ADAM22: variants seen among roughly 807,000 people sequenced by gnomAD.
ADAM22 encodes the protein disintegrin and metalloproteinase domain-containing protein 22.
Under a neutral mutation model 144.6 loss-of-function variants are expected in ADAM22, and 65 were observed. The observed-to-expected ratio is 0.45, with a 90% CI of 0.37 to 0.55. The LOEUF (loss-of-function observed/expected upper bound fraction) is 0.55. Among genes scored for constraint, ADAM22 ranks in the 20% least tolerant of loss-of-function variants. The probability of loss-of-function intolerance (pLI) is 0.00; values close to 1 mark genes in which losing one functional copy is unlikely to be tolerated. For synonymous variants in ADAM22, 391 were observed against 412.6 expected, an observed-to-expected ratio of 0.95 and a Z score of 0.63; for missense variants, 974 against 1,184.9, an observed-to-expected ratio of 0.82 and a Z score of 2.61.
intron 3 of ADAM22, among the ~76,000 whole-genome samples, chr7:88,055,086 T>C (rs1005716531): frequency 3.9e-5 from 6 of 152,152 alleles, no homozygotes; most frequent in African/African-American, 1.4e-4. Flanking sequence ...CTGCTGTTTC[T>C]TCAAACTCAA....
intron 4 of ADAM22, among the ~76,000 whole-genome samples, chr7:88,097,103 C>A (rs916919530): frequency 8.6e-5 from 13 of 150,982 alleles, no homozygotes; most frequent in African/African-American, 3.2e-4. Context: ...GCAAGAGAGC[C>A]TTACATGCTC....
intron 3 of ADAM22, among the ~76,000 whole-genome samples, chr7:88,030,305 C>T (rs1164632777): frequency 1.3e-5 from 2 of 152,014 alleles, no homozygotes; most frequent in Non-Finnish European, 2.9e-5. Context: ...TTTTCAACTC[C>T]AGAATTTCTG....
At chr7:87,960,526 G>T (rs1267268875) in intron 2 of ADAM22, among the ~76,000 whole-genome samples, 1 of 152,120 alleles carries the variant, frequency 6.6e-6, no homozygotes, top group Non-Finnish European at 1.5e-5. Context: ...TGGCCCTTGT[G>T]CAGTTGGGTA....
At chr7:87,935,400 G>A (rs903191445) in intron 2 of ADAM22, among the ~76,000 whole-genome samples, 1 of 152,214 alleles carries the variant, frequency 6.6e-6, no homozygotes, top group Non-Finnish European at 1.5e-5. Context: ...CTTTGCCCGA[G>A]GGGAGTTTGT....
intron 4 of ADAM22, among the ~76,000 whole-genome samples, chr7:88,099,262 C>T (rs937263582): frequency 2.6e-5 from 4 of 152,198 alleles, no homozygotes; most frequent in East Asian, 1.9e-4. Flanking sequence ...TTATCTATGC[C>T]GGCAGAAGAC....
At chr7:88,109,077 A>G (rs1443459026) in intron 5 of ADAM22, among the ~76,000 whole-genome samples, 1 of 152,134 alleles carries the variant, frequency 6.6e-6, no homozygotes, top group East Asian at 1.9e-4. Context: ...TAGCAGTTTC[A>G]GTAAATGGAA....
At chr7:88,137,699 CTTA>C (rs1833351738) in intron 14 of ADAM22, among the ~76,000 whole-genome samples, 2 of 152,140 alleles carry the variant, frequency 1.3e-5, no homozygotes, top group African/African-American at 4.8e-5. Flanking sequence ...TGAGGGATTA[CTTA>C]TTATACTAAC....
Position 87,934,434 on chromosome 7 carries a change from C to T in ADAM22, c.-32C>T. 1.3e-6 allele frequency: 2 copies of T among 1,569,282 alleles called. No homozygotes were observed. The highest frequency in any genetic ancestry group is 1.7e-6 in the Non-Finnish European group (2 of 1,162,290). On this transcript the variant is annotated 5_prime_UTR_variant, in exon 1 of 32. Coordinates refer to ENST00000413139, the MANE Select transcript of ADAM22 (RefSeq NM_001324418.2). ...GGCGGCGCCGGCATGAGGAGCTGAG[C>T]GTCTCGGGCGAGGCGGGCTGACGGC...
intron 2 of ADAM22, among the ~76,000 whole-genome samples, chr7:87,962,809 T>A (rs1422522434): frequency 6.6e-6 from 1 of 152,142 alleles, no homozygotes; most frequent in Non-Finnish European, 1.5e-5. Flanking sequence ...GATACTGTTT[T>A]TCGCAGTTAA....
intron 4 of ADAM22, among the ~76,000 whole-genome samples, chr7:88,097,864 G>A (rs1019926841): frequency 2.0e-5 from 3 of 152,052 alleles, no homozygotes; most frequent in African/African-American, 7.2e-5. Context: ...TCATAAAAAG[G>A]TACAATGATA....
intron 2 of ADAM22, among the ~76,000 whole-genome samples, chr7:87,949,532 T>C (rs1844516772): frequency 6.6e-6 from 1 of 152,228 alleles, no homozygotes; most frequent in Admixed American, 6.5e-5. Flanking sequence ...TGCCTGGAGC[T>C]GCATTTTCTT....
In ADAM22 at chr7:87,978,398, T is replaced by C; in HGVS notation, c.309T>C (p.Asp103=). The C allele has an allele frequency of 1.2e-6, 2 of 1,613,732 alleles. No homozygotes were observed. The highest frequency in any genetic ancestry group is 1.1e-5 in the South Asian group (1 of 91,038). Residue 103 remains aspartate, a synonymous_variant, in exon 3 of 32, where the codon GAT becomes GAC. Transcript: ENST00000413139. ...CCTTTGGAACGTCATTCATTCTCGA[T>C]GTCGTGCTAAATCAGTAAGTGTTGA... ...VDAFGTSFIL[D]VVLNHDLLSS...
At chr7:87,963,366 C>G (rs1848391447) in intron 2 of ADAM22, among the ~76,000 whole-genome samples, 1 of 152,114 alleles carries the variant, frequency 6.6e-6, no homozygotes, top group Non-Finnish European at 1.5e-5. Context: ...CCTAGGGTAT[C>G]ATTTGATAAA....
intron 7 of ADAM22, 76 bp downstream of exon 7, chr7:88,116,890 T>C: frequency 9.2e-7 from 1 of 1,089,036 alleles, no homozygotes; most frequent in Non-Finnish European, 1.4e-6. Context: ...AACTAATCTA[T>C]ATTTGGAATA....
chr7:87,994,794 T>C (rs953328971), intron 3 of ADAM22, among the ~76,000 whole-genome samples: 2 of 152,106 alleles, frequency 1.3e-5, no homozygotes, highest in Admixed American at 1.3e-4. Flanking sequence ...TCAATGCCCA[T>C]GTGGTGAAAT....
At chr7:88,195,292 ACTGAGTTGCATT>A in intron 31 of ADAM22, among the ~76,000 whole-genome samples, 1 of 152,244 alleles carries the variant, frequency 6.6e-6, no homozygotes, top group East Asian at 1.9e-4. Context: ...TTTCTGGTGA[ACTGAGTTGCATT>A]CATATCTGAT....
chr7:88,139,906 T>G (rs1834114579), intron 14 of ADAM22, among the ~76,000 whole-genome samples: 1 of 152,180 alleles, frequency 6.6e-6, no homozygotes, highest in Admixed American at 6.5e-5. Flanking sequence ...TTCATTGTTA[T>G]AAATGAAAAC....
At chr7:88,157,979 C>A (rs183246243) in intron 22 of ADAM22, among the ~76,000 whole-genome samples, 16 of 152,124 alleles carry the variant, frequency 1.1e-4, no homozygotes, top group African/African-American at 3.6e-4. Context: ...AAAAATAAGA[C>A]CCCAAGGTGT....
intron 4 of ADAM22, among the ~76,000 whole-genome samples, chr7:88,092,955 T>A (rs1820330336): frequency 8.4e-6 from 1 of 119,698 alleles, no homozygotes; most frequent in African/African-American, 2.6e-5. Context: ...TATAAGATTT[T>A]TTTTCCCCCA....
Sources: allele counts gnomAD v4.1 joint callset (sites outside exome capture counted in the v4.1 genomes callset), GRCh38; gene constraint gnomAD v4.1.1; transcripts MANE v1.5; gene names NCBI Gene and HGNC (gene_info 2026-07-23, HGNC 2026-07-21).